The following NHSL1 variants were observed in gnomAD, a reference collection of about 807,000 sequenced individuals.
The protein encoded by NHSL1 is NHS-like protein 1.
In NHSL1, 48 loss-of-function variants were observed where a neutral mutation model predicts 95.0. The observed-to-expected ratio is 0.51, with a 90% CI of 0.40 to 0.64. The LOEUF is 0.64. NHSL1 is among the 30% of genes least tolerant of loss of function. The pLI, the probability that NHSL1 is intolerant of heterozygous loss-of-function variation, is 0.00. For missense variants in NHSL1, 1,971 were observed against 2,077.7 expected (o/e 0.95, Z 1.00); for synonymous variants, 783 against 833.9 (o/e 0.94, Z 1.05).
intron 1 of NHSL1, among the ~76,000 whole-genome samples, chr6:138,665,639 A>G (rs929865868): frequency 6.6e-6 from 1 of 152,210 alleles, no homozygotes; most frequent in Non-Finnish European, 1.5e-5. Context: ...TTATATTCCA[A>G]ATTATTAATA....
intron 1 of NHSL1, among the ~76,000 whole-genome samples, chr6:138,612,290 A>G (rs1358539119): frequency 1.3e-5 from 2 of 152,220 alleles, no homozygotes; most frequent in East Asian, 3.8e-4. Context: ...ACACTCACAC[A>G]TATGTACAGA....
Position 138,422,828 on chromosome 6 carries a change from C to T in NHSL1, c.*1253G>A, listed in dbSNP as rs886733857. ...ACCTTTTTAATCTAAAAATTCATTT[C>T]CCAGGGCTAATTGATAGCCAGGCCC... is the stretch of plus-strand genomic sequence containing the variant. On this transcript the variant is annotated 3_prime_UTR_variant, in exon 8 of 8. Transcript: ENST00000343505. 13 of 152,108 alleles carry T rather than the reference C, an allele frequency of 8.5e-5. No homozygotes were observed. The highest frequency in any genetic ancestry group is 1.2e-4 in the African/African-American group (5 of 41,432). The allele number at this position is 152,108 out of a possible 1,614,324, so 9.4% of individuals were successfully genotyped here.
At chr6:138,462,659 T>C (rs955402311) in intron 3 of NHSL1, among the ~76,000 whole-genome samples, 2 of 151,686 alleles carry the variant, frequency 1.3e-5, no homozygotes, top group Non-Finnish European at 2.9e-5. Flanking sequence ...CTTGGGAGAG[T>C]GGAAGAATGA....
chr6:138,590,237 ATCC>A (rs1398410504), intron 1 of NHSL1, among the ~76,000 whole-genome samples: 1 of 152,114 alleles, frequency 6.6e-6, no homozygotes, highest in East Asian at 1.9e-4. Flanking sequence ...ACCTCAGGTG[ATCC>A]GTTGGCCTTG....
chr6:138,656,613 T>C (rs753184959), intron 1 of NHSL1, among the ~76,000 whole-genome samples: 17 of 152,308 alleles, frequency 1.1e-4, no homozygotes, highest in Middle Eastern at 3.4e-3. Context: ...TAAATGAGAT[T>C]GGATTACTGC....
At chr6:138,516,463 G>A (rs1209081522) in intron 1 of NHSL1, among the ~76,000 whole-genome samples, 3 of 152,164 alleles carry the variant, frequency 2.0e-5, no homozygotes, top group Non-Finnish European at 2.9e-5. Flanking sequence ...CTGGCCTGCT[G>A]GGATGACAAA....
rs906870107 is a variant in NHSL1 at position 138,424,022 on chromosome 6, C to T, written c.*59G>A. 2.3e-6 allele frequency: 3 copies of T among 1,305,524 alleles called. No homozygotes were observed. Among genetic ancestry groups the T allele is most frequent in the African/African-American group, 1.5e-5 (1 of 66,880 alleles). The allele number at this position is 1,305,524 out of a possible 1,614,324, so 80.9% of individuals were successfully genotyped here. A position where few individuals can be genotyped will look rare whatever the true frequency, so the allele number is the denominator to read the frequency against. ...CAGGGAAGGGCGCCTAGCAGGCTTC[C>T]TAGAGTGCTGCATTGCTCGTCTCCC... On this transcript the variant is annotated 3_prime_UTR_variant, in exon 8 of 8. Transcript: ENST00000343505. This position sits in a 1 kb window ranked among gnomAD's most constrained non-coding sequence, Gnocchi z 5.9.
intron 1 of NHSL1, among the ~76,000 whole-genome samples, chr6:138,555,305 C>T (rs191634834): frequency 2.0e-4 from 31 of 152,220 alleles, no homozygotes; most frequent in Non-Finnish European, 4.1e-4. Flanking sequence ...ATTTCCTTTG[C>T]GTTCTATTTC....
At chr6:138,445,474 CTGTT>C (rs1776805907) in intron 4 of NHSL1, among the ~76,000 whole-genome samples, 1 of 151,418 alleles carries the variant, frequency 6.6e-6, no homozygotes, top group Non-Finnish European at 1.5e-5. Context: ...ATCAATAACA[CTGTT>C]TGCTGAGAAA....
At chr6:138,479,160 T>C (rs1263988144) in intron 2 of NHSL1, among the ~76,000 whole-genome samples, 1 of 152,204 alleles carries the variant, frequency 6.6e-6, no homozygotes, top group African/African-American at 2.4e-5. Context: ...TCTATACCTA[T>C]GATAATGTTT....
intron 1 of NHSL1, among the ~76,000 whole-genome samples, chr6:138,544,210 A>G (rs1782693951): frequency 6.6e-6 from 1 of 152,226 alleles, no homozygotes; most frequent in African/African-American, 2.4e-5. Context: ...ACCTTCATCC[A>G]ATAATACCAC....
At chr6:138,545,661 G>C in exon 1 of NHSL1, 3 of 1,289,274 alleles carry the variant, frequency 2.3e-6, no homozygotes, top group Non-Finnish European at 3.0e-6. Flanking sequence ...CCATGGAGGG[G>C]CTGTGCTCTG....
intron 1 of NHSL1, among the ~76,000 whole-genome samples, chr6:138,520,278 T>C (rs1407126334): frequency 3.5e-5 from 5 of 143,450 alleles, no homozygotes; most frequent in Admixed American, 7.2e-5. Flanking sequence ...CCTAGTTTAA[T>C]TCTTTTTTTT....
intron 1 of NHSL1, among the ~76,000 whole-genome samples, chr6:138,610,688 A>G (rs1309994906): frequency 2.6e-5 from 4 of 152,136 alleles, no homozygotes; most frequent in Non-Finnish European, 5.9e-5. Context: ...ATAGGTAACT[A>G]TAGCTAGACC....
At chr6:138,493,237 T>C (rs1780173704) in intron 2 of NHSL1, among the ~76,000 whole-genome samples, 1 of 152,230 alleles carries the variant, frequency 6.6e-6, no homozygotes, top group Non-Finnish European at 1.5e-5. Context: ...ACTTTAAAGG[T>C]TGCACTCCAG....
intron 1 of NHSL1, among the ~76,000 whole-genome samples, chr6:138,631,959 T>C (rs1784825584): frequency 6.6e-6 from 1 of 152,138 alleles, no homozygotes; most frequent in South Asian, 2.1e-4. Context: ...ACAGCATCTC[T>C]GGACCTGCCT....
At chr6:138,554,896 G>A (rs1320359797) in intron 1 of NHSL1, among the ~76,000 whole-genome samples, 1 of 152,156 alleles carries the variant, frequency 6.6e-6, no homozygotes, top group Non-Finnish European at 1.5e-5. Context: ...GAGTCGTGAG[G>A]CAGTTTGAAA....
chr6:138,446,512 C>A (rs566265559), intron 4 of NHSL1, among the ~76,000 whole-genome samples: 5 of 152,078 alleles, frequency 3.3e-5, no homozygotes, highest in African/African-American at 1.2e-4. Flanking sequence ...ATAACATATT[C>A]TGAAAATTTT....
chr6:138,511,423 T>TGA (rs925751861), intron 1 of NHSL1, among the ~76,000 whole-genome samples: 1 of 151,182 alleles, frequency 6.6e-6, no homozygotes, highest in East Asian at 2.0e-4. Context: ...TGTGTGTGTG[T>TGA]GAGAGAGAGT....
Sources: allele counts gnomAD v4.1 joint callset (sites outside exome capture counted in the v4.1 genomes callset), GRCh38; gene constraint gnomAD v4.1.1; non-coding constraint Gnocchi (gnomAD v3.1); transcripts MANE v1.5; gene names NCBI Gene and HGNC (gene_info 2026-07-23, HGNC 2026-07-21).